TSHR: variants seen among roughly 807,000 people sequenced by gnomAD.
The protein encoded by TSHR is thyroid stimulating hormone receptor.
TSHR carries 51 observed loss-of-function variants against 64.1 expected under a neutral mutation model. The ratio of observed to expected loss-of-function variants is 0.80; its 90% CI spans 0.64 to 1.01. TSHR has a LOEUF of 1.01. Among genes scored for constraint, TSHR ranks in the 50% least tolerant of loss-of-function variants. The pLI is 0.00. For missense variants in TSHR, 877 were observed against 942.8 expected (o/e 0.93, Z 0.91); for synonymous variants, 361 against 361.9 (o/e 1.00, Z 0.03).
chr14:80,964,756 A>G (rs866791636), intron 1 of TSHR, among the ~76,000 whole-genome samples: 15 of 145,018 alleles, frequency 1.0e-4, no homozygotes, highest in African/African-American at 3.7e-4. Context: ...TGTACTCACT[A>G]TGACTCAATC....
rs369472063 is a variant in TSHR, at chr14:81,109,418, C to T, written c.692+966C>T. On this transcript the variant is annotated intron_variant, in intron 8 of 9. Transcript: ENST00000298171. ...AGCGAGAGTCTGTCTCAAAAAACAA[C>T]AAAAACAAAAACAAAACAAAACAAA... is the stretch of plus-strand genomic sequence containing the variant. Among the ~76,000 whole-genome samples, 22 of 151,886 alleles carry T rather than the reference C, an allele frequency of 1.4e-4. No homozygotes were observed. The East Asian group carries it at 3.9e-3, about 27-fold the overall frequency.
At chr14:81,008,812 C>G (rs917593151) in intron 1 of TSHR, among the ~76,000 whole-genome samples, 5 of 152,268 alleles carry the variant, frequency 3.3e-5, no homozygotes, top group African/African-American at 1.2e-4. Flanking sequence ...TTTAAATAAC[C>G]CGAACATTAA....
intron 1 of TSHR, among the ~76,000 whole-genome samples, chr14:81,038,067 T>C (rs1277497925): frequency 1.3e-5 from 2 of 152,028 alleles, no homozygotes; most frequent in Non-Finnish European, 2.9e-5. Context: ...TTCTCCAGAA[T>C]AGATTATATG....
At chr14:81,052,483 G>A (rs915341236) in intron 1 of TSHR, 1 of 152,070 alleles carries the variant, frequency 6.6e-6, no homozygotes. Context: ...GTAGTTTAAC[G>A]CCTTAACCTT....
chr14:81,003,479 T>A (rs575158418), intron 1 of TSHR: 1 of 215,192 alleles, frequency 4.6e-6, no homozygotes, highest in Non-Finnish European at 9.8e-6. Flanking sequence ...TGGTGCACGC[T>A]GTTTTTGTGA....
chr14:81,025,535 G>T lies in TSHR; in HGVS notation c.171-36613G>T, dbSNP rs370779250. ...GTTTCTATGATATTCTATAATATTG[G>T]TTTGTTTCCTTGATATTTATGTATC... is the stretch of plus-strand genomic sequence containing the variant. On this transcript the variant is annotated intron_variant, in intron 1 of 9. Transcript: ENST00000298171. Among the ~76,000 whole-genome samples, 4 of 151,868 alleles carry T rather than the reference G, an allele frequency of 2.6e-5. No homozygotes were observed. In the East Asian group the frequency reaches 5.8e-4, roughly 22 times the overall value.
chr14:81,033,223 C>A, intron 1 of TSHR: 1 of 465,884 alleles, frequency 2.1e-6, no homozygotes, highest in East Asian at 6.1e-5. Context: ...CTGAAGAGCC[C>A]TCAGAAGGGG....
At chr14:80,969,737 G>A (rs1441799274) in intron 1 of TSHR, among the ~76,000 whole-genome samples, 1 of 152,198 alleles carries the variant, frequency 6.6e-6, no homozygotes, top group Non-Finnish European at 1.5e-5. Context: ...CTACCTGGGT[G>A]TTGAGATTCA....
intron 1 of TSHR, among the ~76,000 whole-genome samples, chr14:81,040,664 G>T (rs912154814): frequency 1.1e-4 from 16 of 152,036 alleles, no homozygotes; most frequent in Admixed American, 9.8e-4. Context: ...AATGATAAAT[G>T]GGATCTAAGT....
intron 3 of TSHR, among the ~76,000 whole-genome samples, chr14:81,081,052 C>A (rs2139946267): frequency 6.6e-6 from 1 of 152,206 alleles, no homozygotes; most frequent in South Asian, 2.1e-4. Context: ...AGGCACGAAC[C>A]TTTAGTCACA....
At chr14:81,081,002 T>A (rs1403349725) in intron 3 of TSHR, among the ~76,000 whole-genome samples, 2 of 152,194 alleles carry the variant, frequency 1.3e-5, no homozygotes, top group Non-Finnish European at 2.9e-5. Flanking sequence ...AATGCTTAGC[T>A]AAGAGAATGG....
At chr14:81,118,132 C>A in intron 8 of TSHR, among the ~76,000 whole-genome samples, 1 of 32,728 alleles carries the variant, frequency 3.1e-5, no homozygotes, top group African/African-American at 1.5e-4. Context: ...GGGATGCCCT[C>A]TCTCACCACT....
In TSHR at chr14:81,103,887, T is replaced by A. The variant is rs1020596276; in HGVS notation, c.615-4488T>A. ...CTGACAGTAAACATTTAGGCAGGAA[T>A]AAAAATACCATTTTGATATGCTAAG... On this transcript the variant is annotated intron_variant, in intron 7 of 9. Coordinates refer to ENST00000298171, the MANE Select transcript of TSHR (RefSeq NM_000369.5). This position sits in a 1 kb window ranked among gnomAD's most constrained non-coding sequence, Gnocchi z 4.1. 8 of 985,462 alleles carry A rather than the reference T, an allele frequency of 8.1e-6. No homozygotes were observed. The highest frequency in any genetic ancestry group is 9.6e-6 in the Non-Finnish European group (8 of 829,924). The allele number at this position is 985,462 out of a possible 1,614,324, so 61.0% of individuals were successfully genotyped here. A position where few individuals can be genotyped will look rare whatever the true frequency, so the allele number is the denominator to read the frequency against.
intron 8 of TSHR, among the ~76,000 whole-genome samples, chr14:81,127,396 C>T (rs752768785): frequency 6.6e-6 from 1 of 152,128 alleles, no homozygotes; most frequent in Non-Finnish European, 1.5e-5. Context: ...CAGCATTGAG[C>T]CTGACCCTTT....
At chr14:81,048,858 A>C (rs1327457202) in intron 1 of TSHR, among the ~76,000 whole-genome samples, 1 of 152,114 alleles carries the variant, frequency 6.6e-6, no homozygotes, top group Non-Finnish European at 1.5e-5. Context: ...AATTGAGTAA[A>C]TCATTATCTT....
chr14:80,973,425 A>AAAAAAAAAAAAAAAAAAAAAAAAAT (rs1887698324), intron 1 of TSHR, among the ~76,000 whole-genome samples: 1 of 146,042 alleles, frequency 6.8e-6, no homozygotes, highest in Non-Finnish European at 1.5e-5. Flanking sequence ...AAAAAAAAAA[A>AAAAAAAAAAAAAAAAAAAAAAAAAT]AAAATCTGTG....
intron 1 of TSHR, among the ~76,000 whole-genome samples, chr14:81,030,884 T>C (rs1884313906): frequency 6.6e-6 from 1 of 152,182 alleles, no homozygotes; most frequent in Non-Finnish European, 1.5e-5. Flanking sequence ...GGGGCAAATG[T>C]TCCTTTTTGG....
intron 1 of TSHR, chr14:81,052,485 C>T (rs369992345): frequency 4.3e-4 from 65 of 152,244 alleles, no homozygotes; most frequent in African/African-American, 1.6e-3. Context: ...AGTTTAACGC[C>T]TTAACCTTTG....
At chr14:80,963,227 C>G (rs922392551) in intron 1 of TSHR, among the ~76,000 whole-genome samples, 1 of 152,124 alleles carries the variant, frequency 6.6e-6, no homozygotes. Flanking sequence ...TTTAGATTCT[C>G]ATTTCTATTG....
Sources: allele counts gnomAD v4.1 joint callset (sites outside exome capture counted in the v4.1 genomes callset), GRCh38; gene constraint gnomAD v4.1.1; non-coding constraint Gnocchi (gnomAD v3.1); transcripts MANE v1.5; gene names NCBI Gene and HGNC (gene_info 2026-07-23, HGNC 2026-07-21).